ANK3: variants seen among roughly 807,000 people sequenced by gnomAD.
ANK3 encodes ankyrin-3.
A neutral mutation model predicts 370.9 loss-of-function variants in ANK3; 57 were observed. That is an observed-to-expected ratio of 0.15 (90% CI 0.12 to 0.19). ANK3 has a LOEUF of 0.19. ANK3 is among the 10% of genes least tolerant of loss of function. The pLI is 1.00. For synonymous variants in ANK3, 1,929 were observed against 1,946.3 expected (o/e 0.99, Z 0.23); for missense variants, 4,439 against 5,302.1 (o/e 0.84, Z 5.06).
chr10:60,107,624 T>C (rs1013215397), intron 27 of ANK3, among the ~76,000 whole-genome samples: 2 of 152,232 alleles, frequency 1.3e-5, no homozygotes, highest in Non-Finnish European at 2.9e-5. Flanking sequence ...CTGCTGCCTA[T>C]TTAATTTTAT....
intron 23 of ANK3, among the ~76,000 whole-genome samples, chr10:60,155,441 T>G (rs2095301479): frequency 6.6e-6 from 1 of 152,158 alleles, no homozygotes; most frequent in Non-Finnish European, 1.5e-5. Flanking sequence ...CCAGCCAGCT[T>G]CACCATTGGC....
In ANK3 at chr10:60,709,157, C is replaced by T. The variant is rs574149389; in HGVS notation, c.57+24106G>A. 3.9e-5 allele frequency among the ~76,000 whole-genome samples: 6 copies of T among 152,298 alleles called. No individual in the cohort carries two copies. The East Asian group carries it at 1.2e-3, about 29-fold the overall frequency. ...GTTTGAAGAGACATAGCAAGCATCA[C>T]AGCCAGACTCAGATATGACAGAGGT... On this transcript the variant is annotated intron_variant, in intron 1 of 43. Transcript: ENST00000373827.
rs57061616 is a variant in ANK3, at chr10:60,435,117, T to C, written c.97-155478A>G. ...TAACAGTGATCATTGGAATAAAATG[T>C]CATAATGCATTGCTCAGTATTTTGT... is the stretch of plus-strand genomic sequence containing the variant. On this transcript the variant is annotated intron_variant, in intron 2 of 43. Coordinates refer to the ANK3 transcript ENST00000373827. 2.2e-3 allele frequency among the ~76,000 whole-genome samples: 338 copies of C among 152,352 alleles called. 2 individuals carry two copies. The highest frequency in any genetic ancestry group is 0.018 in the East Asian group (91 of 5,194).
At chr10:60,336,943 C>G (rs1246031758) in intron 1 of ANK3, among the ~76,000 whole-genome samples, 1 of 152,064 alleles carries the variant, frequency 6.6e-6, no homozygotes, top group African/African-American at 2.4e-5. Flanking sequence ...GAACTGACCC[C>G]TGAACCTGCT....
intron 39 of ANK3, among the ~76,000 whole-genome samples, chr10:60,063,559 T>C (rs534844931): frequency 6.6e-6 from 1 of 152,372 alleles, no homozygotes; most frequent in African/African-American, 2.4e-5. Context: ...CCTCTTAGAA[T>C]GTCAAAATAG....
At chr10:60,287,764 C>T (rs2040359464) in intron 1 of ANK3, among the ~76,000 whole-genome samples, 1 of 152,162 alleles carries the variant, frequency 6.6e-6, no homozygotes, top group African/African-American at 2.4e-5. Flanking sequence ...CTTCCCTCAA[C>T]ACCAGGGGTT....
intron 2 of ANK3, among the ~76,000 whole-genome samples, chr10:60,613,550 T>C (rs2078228187): frequency 6.6e-6 from 1 of 152,240 alleles, no homozygotes; most frequent in South Asian, 2.1e-4. Flanking sequence ...GATAAAATTG[T>C]GTGCCTGACC....
intron 1 of ANK3, among the ~76,000 whole-genome samples, chr10:60,679,607 G>A (rs1350645920): frequency 6.6e-6 from 1 of 152,158 alleles, no homozygotes; most frequent in African/African-American, 2.4e-5. Context: ...CACTGCACAT[G>A]TGCCCCTCTC....
chr10:60,224,797 A>T (rs2132497619), intron 8 of ANK3, among the ~76,000 whole-genome samples: 1 of 152,332 alleles, frequency 6.6e-6, no homozygotes, highest in African/African-American at 2.4e-5. Flanking sequence ...ACAATGAAAA[A>T]AATGTAGAGA....
In ANK3 at chr10:60,549,459, G is replaced by T. The variant is rs368576374; in HGVS notation, c.96+65727C>A. Among the ~76,000 whole-genome samples, 7 of 152,022 alleles carry T rather than the reference G, an allele frequency of 4.6e-5. No homozygotes were observed. The East Asian group carries it at 1.2e-3, about 25-fold the overall frequency. The stretch of plus-strand genomic sequence containing the variant: ...AACATTTTTCTTACAACTAATGTGC[G>T]TGCTGTTTAGAGAACAATCCCCTTA... On this transcript the variant is annotated intron_variant, in intron 2 of 43. Transcript: ENST00000373827.
At chr10:60,456,359 G>A (rs1402983648) in intron 2 of ANK3, among the ~76,000 whole-genome samples, 3 of 152,090 alleles carry the variant, frequency 2.0e-5, no homozygotes, top group African/African-American at 7.2e-5. Flanking sequence ...ATCTCATCAA[G>A]CATTAGTTTC....
chr10:60,659,838 T>C (rs10821821), intron 1 of ANK3, among the ~76,000 whole-genome samples: 50,586 of 151,918 alleles, frequency 0.33, 8,972 homozygotes, highest in South Asian at 0.56. Context: ...ACAAGGTATA[T>C]AAAGGAATCT....
intron 1 of ANK3, among the ~76,000 whole-genome samples, chr10:60,681,192 C>T (rs932735211): frequency 8.5e-5 from 13 of 152,162 alleles, no homozygotes; most frequent in African/African-American, 3.1e-4. Context: ...CTCTCATCAT[C>T]TTGTTTCCAA....
In ANK3 at chr10:60,110,271, A is replaced by C. The variant is rs76009362; in HGVS notation, c.2949-1217T>G. ...TTGACCTTGAAAGAGTGACCTTTTC[A>C]AGCAAACTGGCCTGTGATCCCCACA... On this transcript the variant is annotated intron_variant, in intron 26 of 43. Transcript: ENST00000280772. 6.0e-3 allele frequency among the ~76,000 whole-genome samples: 914 copies of C among 152,184 alleles called. 8 individuals are homozygous for C. The highest frequency in any genetic ancestry group is 0.021 in the African/African-American group (861 of 41,514).
intron 5 of ANK3, among the ~76,000 whole-genome samples, chr10:60,269,195 T>C (rs1456699891): frequency 2.0e-5 from 3 of 152,220 alleles, no homozygotes; most frequent in African/African-American, 7.2e-5. Context: ...GCTTAAGTGA[T>C]TCCAGTCTTC....
intron 1 of ANK3, among the ~76,000 whole-genome samples, chr10:60,379,835 GT>G (rs1413356329): frequency 2.6e-5 from 4 of 152,012 alleles, no homozygotes; most frequent in African/African-American, 9.7e-5. Flanking sequence ...ATAATATATA[GT>G]TTCAAATAGG....
chr10:60,133,677 T>C (rs2094203786), intron 25 of ANK3, among the ~76,000 whole-genome samples: 1 of 152,166 alleles, frequency 6.6e-6, no homozygotes, highest in Admixed American at 6.5e-5. Flanking sequence ...TCCCAGCACT[T>C]TGGGAGGCCG....
At chr10:60,295,661 T>C (rs1231545829) in intron 1 of ANK3, among the ~76,000 whole-genome samples, 3 of 152,084 alleles carry the variant, frequency 2.0e-5, no homozygotes, top group Non-Finnish European at 4.4e-5. Flanking sequence ...CAAGGTACCT[T>C]TATACTCCTA....
chr10:60,653,437 A>T (rs1265406384), intron 1 of ANK3, among the ~76,000 whole-genome samples: 1 of 151,980 alleles, frequency 6.6e-6, no homozygotes, highest in African/African-American at 2.4e-5. Context: ...AATTGCCTTG[A>T]TATTTTTGTT....
Sources: allele counts gnomAD v4.1 joint callset (sites outside exome capture counted in the v4.1 genomes callset), GRCh38; gene constraint gnomAD v4.1.1; transcripts MANE v1.5; gene names NCBI Gene and HGNC (gene_info 2026-07-23, HGNC 2026-07-21).